Variants in TMEM71 observed in about 807,000 individuals in gnomAD.
TMEM71 encodes transmembrane protein 71.
A neutral mutation model predicts 38.0 loss-of-function variants in TMEM71; 44 were observed. The observed-to-expected ratio is 1.16, with a 90% CI of 0.91 to 1.49. The LOEUF (loss-of-function observed/expected upper bound fraction) is 1.49, where lower values mean the gene tolerates loss of function less well. Ranked by LOEUF, TMEM71 falls within the 40% of genes most tolerant of loss-of-function variation. The pLI is 0.00. For missense variants in TMEM71, 367 were observed against 348.6 expected, an observed-to-expected ratio of 1.05 and a Z score of -0.42; for synonymous variants, 133 against 122.5, an observed-to-expected ratio of 1.09 and a Z score of -0.56.
intron 5 of TMEM71, among the ~76,000 whole-genome samples, chr8:132,733,516 G>T (rs1012987820): frequency 1.2e-4 from 18 of 152,286 alleles, no homozygotes; most frequent in Middle Eastern, 6.8e-3. Context: ...CTGAGTTGGG[G>T]GTTTTGGACT....
downstream of TMEM71, among the ~76,000 whole-genome samples, chr8:132,709,095 A>G (rs1826136369): frequency 6.6e-6 from 1 of 152,238 alleles, no homozygotes; most frequent in Non-Finnish European, 1.5e-5. Flanking sequence ...CTATTTCAGT[A>G]TCTTACTTTG....
chr8:132,751,683 A>C (rs1828716835), intron 4 of TMEM71, 102 bp downstream of exon 4: 2 of 1,134,868 alleles, frequency 1.8e-6, no homozygotes, highest in Non-Finnish European at 2.6e-6. Context: ...CTGGAGCAAT[A>C]ATGGGCTCCT....
chr8:132,751,706 T>A lies in TMEM71; in HGVS notation c.314+79A>T, dbSNP rs1056724026. The A allele has an allele frequency of 3.7e-6, 5 of 1,365,128 alleles. No homozygotes were observed. The Admixed American group carries it at 5.1e-5, about 14-fold the overall frequency. The allele number at this position is 1,365,128 out of a possible 1,614,324, so 84.6% of individuals were successfully genotyped here. A position where few individuals can be genotyped will look rare whatever the true frequency, so the allele number is the denominator to read the frequency against. ...ATAATGGGCTCCTTATAAAAGATAG[T>A]TGAGTGAATAAATGAATGAATAAAC... is the stretch of plus-strand genomic sequence containing the variant. On this transcript the variant is annotated intron_variant, in intron 4 of 9. Transcript: ENST00000677595.
downstream of TMEM71, among the ~76,000 whole-genome samples, chr8:132,707,636 G>T (rs976804762): frequency 2.0e-5 from 3 of 152,112 alleles, no homozygotes; most frequent in African/African-American, 7.2e-5. Context: ...CAGCAAGAAG[G>T]CTCTTGCCAG....
intron 7 of TMEM71, among the ~76,000 whole-genome samples, chr8:132,715,409 CAAA>C (rs975995287): frequency 1.2e-3 from 25 of 21,566 alleles, no homozygotes; most frequent in African/African-American, 1.3e-3. Context: ...GACTCCGTCT[CAAA>C]AAAAAAAAAA....
intron 6 of TMEM71, among the ~76,000 whole-genome samples, chr8:132,724,288 A>C (rs1326754338): frequency 1.3e-5 from 2 of 152,174 alleles, no homozygotes; most frequent in Non-Finnish European, 2.9e-5. Context: ...AGGGTACTGC[A>C]GGAGACCAGG....
At chr8:132,752,870 A>C (rs942913693) in intron 3 of TMEM71, among the ~76,000 whole-genome samples, 8 of 150,890 alleles carry the variant, frequency 5.3e-5, no homozygotes, top group Non-Finnish European at 1.0e-4. Context: ...GAAGGAAGGA[A>C]GGAAGGAAGG....
intron 5 of TMEM71, among the ~76,000 whole-genome samples, chr8:132,744,474 A>G (rs1828223277): frequency 6.6e-6 from 1 of 152,206 alleles, no homozygotes; most frequent in South Asian, 2.1e-4. Flanking sequence ...ACCTCTAACC[A>G]AGGACATAAA....
chr8:132,733,170 G>T (rs184205574), intron 5 of TMEM71, among the ~76,000 whole-genome samples: 49 of 152,030 alleles, frequency 3.2e-4, no homozygotes, highest in South Asian at 2.9e-3. Context: ...GTGTTTTTTT[G>T]TTGTTGTTGT....
intron 6 of TMEM71, among the ~76,000 whole-genome samples, chr8:132,724,548 A>G (rs1016884110): frequency 6.6e-6 from 1 of 152,126 alleles, no homozygotes; most frequent in Non-Finnish European, 1.5e-5. Context: ...CTTGTTCCCT[A>G]AAATCGCTGT....
chr8:132,753,661 T>C (rs959069945), intron 3 of TMEM71, among the ~76,000 whole-genome samples: 33 of 152,140 alleles, frequency 2.2e-4, no homozygotes, highest in African/African-American at 6.5e-4. Flanking sequence ...GAATCTGAAG[T>C]CAATCCCCCT....
intron 6 of TMEM71, among the ~76,000 whole-genome samples, chr8:132,725,419 G>A (rs1171092903): frequency 6.6e-6 from 1 of 152,192 alleles, no homozygotes; most frequent in Non-Finnish European, 1.5e-5. Flanking sequence ...AGACACAGAA[G>A]AGAAGAGACA....
At chr8:132,729,181 G>A (rs1043771015) in intron 5 of TMEM71, among the ~76,000 whole-genome samples, 1 of 152,228 alleles carries the variant, frequency 6.6e-6, no homozygotes, top group African/African-American at 2.4e-5. Flanking sequence ...ACCAAGGAAT[G>A]AATTTTAATC....
intron 5 of TMEM71, among the ~76,000 whole-genome samples, chr8:132,745,281 A>T (rs181083384): frequency 1.3e-5 from 2 of 152,308 alleles, no homozygotes; most frequent in East Asian, 3.9e-4. Context: ...TATGAATCTA[A>T]CAGAGGTCTA....
chr8:132,758,799 G>A lies in TMEM71; in HGVS notation c.40+41C>T, dbSNP rs202037148. ...GGAAATTGCTAAAAGGAGTCTAATC[G>A]TTCAAAAGATAATTGCGTATCACAG... On this transcript the variant is annotated intron_variant, in intron 2 of 9. Transcript: ENST00000677595. 9.7e-5 allele frequency: 153 copies of A among 1,578,786 alleles called. No individual in the cohort carries two copies. In the African/African-American group the frequency reaches 1.3e-3, roughly 14 times the overall value.
intron 5 of TMEM71, among the ~76,000 whole-genome samples, chr8:132,735,459 C>T (rs535470899): frequency 6.6e-6 from 1 of 152,070 alleles, no homozygotes; most frequent in East Asian, 1.9e-4. Flanking sequence ...AGTCACGGGG[C>T]CTTGGGTAAA....
upstream of TMEM71, among the ~76,000 whole-genome samples, chr8:132,760,950 A>C (rs1190053364): frequency 6.6e-6 from 1 of 152,218 alleles, no homozygotes; most frequent in African/African-American, 2.4e-5. Context: ...AAATCACTTA[A>C]ATTTATTGAG....
At chr8:132,746,574 T>C (rs1002011250) in intron 5 of TMEM71, among the ~76,000 whole-genome samples, 3 of 150,976 alleles carry the variant, frequency 2.0e-5, no homozygotes, top group Admixed American at 6.6e-5. Flanking sequence ...AGTGTACTCA[T>C]ACTGGGACTT....
At chr8:132,722,203 A>T (rs2131036378) in intron 6 of TMEM71, 88 bp from the exon 7 acceptor site, 2 of 883,998 alleles carry the variant, frequency 2.3e-6, no homozygotes, top group Non-Finnish European at 1.7e-6. Context: ...CTTCCCTTGT[A>T]CCCACCAAAA....
Sources: gnomAD v4.1 joint callset for allele counts (sites outside exome capture counted in the v4.1 genomes callset) on GRCh38, gnomAD v4.1.1 for gene constraint, MANE v1.5 for transcripts, NCBI Gene and HGNC (gene_info 2026-07-23, HGNC 2026-07-21) for gene names.